Variants in OR2L13 observed in about 807,000 individuals in gnomAD.
OR2L13 encodes the protein olfactory receptor family 2 subfamily L member 13, also known as olfactory receptor 2L13.
A neutral mutation model predicts 15.3 loss-of-function variants in OR2L13; 14 were observed. That is an observed-to-expected ratio of 0.91 (90% CI 0.60 to 1.43). The LOEUF is 1.43. Among genes scored for constraint, OR2L13 ranks in the 40% most tolerant of loss-of-function variants. OR2L13 has a pLI of 0.00. For synonymous variants in OR2L13, 152 were observed against 142.9 expected (o/e 1.06, Z -0.45); for missense variants, 367 against 387.9 (o/e 0.95, Z 0.45).
At chr1:247,966,370 T>A in the OR2L13 span, 1 of 1,568,234 alleles carries the variant, frequency 6.4e-7, no homozygotes. Flanking sequence ...AAGCTGTTCC[T>A]GAAAACTATC....
the OR2L13 span, chr1:247,991,222 T>G: frequency 6.6e-7 from 1 of 1,507,618 alleles, no homozygotes; most frequent in Non-Finnish European, 9.1e-7. Flanking sequence ...CGTTCTGCCT[T>G]AGAGTCAAAG....
At chr1:248,061,205 A>G in the OR2L13 span, 7 of 1,611,910 alleles carry the variant, frequency 4.3e-6, no homozygotes, top group African/African-American at 1.4e-5. Context: ...GCCATCAATC[A>G]TTTCTTCTGT....
At chr1:247,990,562 C>G in the OR2L13 span, 1 of 1,565,128 alleles carries the variant, frequency 6.4e-7, no homozygotes, top group South Asian at 1.1e-5. Context: ...GTGTGGGATT[C>G]AGAGTTTCTT....
chr1:248,017,934 C>A, the OR2L13 span, among the ~76,000 whole-genome samples: 1 of 151,906 alleles, frequency 6.6e-6, no homozygotes, highest in African/African-American at 2.4e-5. Flanking sequence ...AAAATACATT[C>A]GTATCGAGAC....
At chr1:247,955,219 A>G in the OR2L13 span, among the ~76,000 whole-genome samples, 5 of 151,580 alleles carry the variant, frequency 3.3e-5, no homozygotes, top group Non-Finnish European at 7.4e-5. Context: ...TGTCCTTGAG[A>G]TAGTTTGCTG....
At chr1:248,033,653 G>T in the OR2L13 span, among the ~76,000 whole-genome samples, 3 of 151,090 alleles carry the variant, frequency 2.0e-5, no homozygotes, top group African/African-American at 7.3e-5. Context: ...TGTTTTACTG[G>T]CTGGTCTCAA....
the OR2L13 span, among the ~76,000 whole-genome samples, chr1:248,075,351 C>A: frequency 3.3e-5 from 5 of 152,126 alleles, no homozygotes; most frequent in African/African-American, 1.2e-4. Flanking sequence ...GATTTATAAT[C>A]CTTTGGGTAT....
At chr1:247,946,766 C>T in the OR2L13 span, among the ~76,000 whole-genome samples, 6 of 152,302 alleles carry the variant, frequency 3.9e-5, no homozygotes, top group East Asian at 1.2e-3. Context: ...TTACCCTTCT[C>T]CCATTGTCAC....
the OR2L13 span, among the ~76,000 whole-genome samples, chr1:248,074,837 T>A: frequency 2.6e-5 from 4 of 152,252 alleles, no homozygotes; most frequent in South Asian, 8.3e-4. Flanking sequence ...CAAGTTGAAG[T>A]TAAAAATAAA....
chr1:247,949,009 A>T, the OR2L13 span: 1 of 1,613,738 alleles, frequency 6.2e-7, no homozygotes, highest in Non-Finnish European at 8.5e-7. Context: ...ATCTTCTTGG[A>T]CACCCATCTC....
the OR2L13 span, among the ~76,000 whole-genome samples, chr1:247,978,243 A>G: frequency 6.6e-6 from 1 of 152,090 alleles, no homozygotes. Flanking sequence ...CTCCAGACAT[A>G]CTTCAGCTGA....
chr1:248,068,032 C>A, the OR2L13 span, among the ~76,000 whole-genome samples: 1 of 152,212 alleles, frequency 6.6e-6, no homozygotes, highest in East Asian at 1.9e-4. Context: ...CTCAAGGAGG[C>A]CTGCTTGCCT....
At chr1:247,955,885 G>T in the OR2L13 span, among the ~76,000 whole-genome samples, 20 of 151,584 alleles carry the variant, frequency 1.3e-4, no homozygotes, top group East Asian at 2.3e-3. Flanking sequence ...TTCTCCCATT[G>T]TGTAGGTTGC....
the OR2L13 span, among the ~76,000 whole-genome samples, chr1:248,071,622 G>A: frequency 6.6e-6 from 1 of 152,000 alleles, no homozygotes; most frequent in Non-Finnish European, 1.5e-5. Flanking sequence ...GGAAGTTCTG[G>A]CCAGGGCAAT....
chr1:247,967,311 C>T, the OR2L13 span, among the ~76,000 whole-genome samples: 6 of 152,072 alleles, frequency 3.9e-5, no homozygotes, highest in Non-Finnish European at 8.8e-5. Context: ...TCACTGCAAC[C>T]TCTGCCCCTC....
At chr1:247,977,992 GA>G in the OR2L13 span, among the ~76,000 whole-genome samples, 1 of 152,138 alleles carries the variant, frequency 6.6e-6, no homozygotes, top group Non-Finnish European at 1.5e-5. Context: ...AGGCTGATAT[GA>G]GGCTTCCTTT....
the OR2L13 span, among the ~76,000 whole-genome samples, chr1:248,027,869 A>G: frequency 6.6e-6 from 1 of 151,916 alleles, no homozygotes; most frequent in African/African-American, 2.4e-5. Context: ...CTCCCTAAAA[A>G]CATGTCCACA....
At chr1:248,060,826 T>G in the OR2L13 span, 1 of 1,613,920 alleles carries the variant, frequency 6.2e-7, no homozygotes. Flanking sequence ...TCTTCTCATC[T>G]TCTTGGACAC....
At chr1:248,093,258 A>G (rs1438175376), upstream of OR2L13, among the ~76,000 whole-genome samples, 1 of 152,222 alleles carries the variant, frequency 6.6e-6, no homozygotes, top group Non-Finnish European at 1.5e-5. Flanking sequence ...TGCAGAGAAC[A>G]AGAACATACT....
Sources: gnomAD v4.1 joint callset for allele counts (sites outside exome capture counted in the v4.1 genomes callset) on GRCh38, gnomAD v4.1.1 for gene constraint, MANE v1.5 for transcripts, NCBI Gene and HGNC (gene_info 2026-07-23, HGNC 2026-07-21) for gene names.